The following ANO6 variants were observed in gnomAD, a reference collection of about 807,000 sequenced individuals.
The protein encoded by ANO6 is anoctamin 6, also known as anoctamin-6.
Under a neutral mutation model 117.5 loss-of-function variants are expected in ANO6, and 106 were observed. The observed-to-expected ratio is 0.90, with a 90% confidence interval of 0.77 to 1.06. ANO6 has a LOEUF of 1.06. Among genes scored for constraint, ANO6 ranks in the 50% least tolerant of loss-of-function variants. ANO6 has a pLI of 0.00. For missense variants in ANO6, 955 were observed against 1,121.1 expected, an observed-to-expected ratio of 0.85 and a Z score of 2.12; for synonymous variants, 367 against 385.1, an observed-to-expected ratio of 0.95 and a Z score of 0.55.
chr12:45,388,338 ACTT>A lies in ANO6; in HGVS notation c.1308+36_1308+38del, dbSNP rs1942355812. The A allele has an allele frequency of 1.9e-6, 3 of 1,612,360 alleles. No homozygotes were observed. In the African/African-American group the frequency reaches 4.0e-5, roughly 22 times the overall value. On this transcript the variant is annotated intron_variant, in intron 11 of 19. Transcript: ENST00000320560. ...GTCGTATTTAGGTGCAGTTTAATCT[ACTT>A]ACTGCTGTGGTTCTCCTCCTTGGCC...
At position 45,429,834 on chromosome 12, in the gene ANO6, T is replaced by C; in HGVS notation, c.*523T>C. On this transcript the variant is annotated 3_prime_UTR_variant, in exon 20 of 20. Transcript: ENST00000320560. ...GGATTCACAATATTTAGGTGTATTT[T>C]CAATACCTCCAGAAAGGAAACCTCA... The C allele has an allele frequency of 2.0e-6, 2 of 990,900 alleles. No individual in the cohort carries two copies. The highest frequency in any genetic ancestry group is 2.4e-6 in the Non-Finnish European group (2 of 833,100). 61.4% of individuals were successfully genotyped at this position (990,900 alleles called of 1,614,324 possible).
At chr12:45,308,389 T>G (rs1939746936) in intron 2 of ANO6, among the ~76,000 whole-genome samples, 1 of 151,974 alleles carries the variant, frequency 6.6e-6, no homozygotes, top group African/African-American at 2.4e-5. Flanking sequence ...TTGCGGAAGC[T>G]TTTTCTTGAT....
intron 1 of ANO6, among the ~76,000 whole-genome samples, chr12:45,266,412 A>T (rs1406691864): frequency 2.0e-5 from 3 of 152,254 alleles, no homozygotes; most frequent in African/African-American, 7.2e-5. Context: ...GTATTAAAGT[A>T]TAAAAGATTA....
At chr12:45,221,058 G>A (rs922294275) in intron 1 of ANO6, among the ~76,000 whole-genome samples, 1 of 142,126 alleles carries the variant, frequency 7.0e-6, no homozygotes, top group African/African-American at 2.9e-5. Flanking sequence ...GGTGTCGGAA[G>A]TGGGGGGGGG....
intron 12 of ANO6, among the ~76,000 whole-genome samples, chr12:45,392,980 T>A (rs1228650059): frequency 2.0e-5 from 3 of 152,186 alleles, no homozygotes; most frequent in Non-Finnish European, 4.4e-5. Flanking sequence ...GGAACAAAGC[T>A]GGACAGAGAA....
intron 12 of ANO6, among the ~76,000 whole-genome samples, chr12:45,392,076 C>T (rs568672235): frequency 9.2e-5 from 14 of 152,296 alleles, no homozygotes; most frequent in Middle Eastern, 3.4e-3. Context: ...CACAAGGGGT[C>T]GGGCGATTTC....
At chr12:45,253,508 CAT>C (rs1286371858) in intron 1 of ANO6, among the ~76,000 whole-genome samples, 1 of 152,210 alleles carries the variant, frequency 6.6e-6, no homozygotes, top group African/African-American at 2.4e-5. Flanking sequence ...TAAATCTGCA[CAT>C]GACTGTAAAT....
At chr12:45,225,776 A>G (rs1358881151) in intron 1 of ANO6, among the ~76,000 whole-genome samples, 2 of 152,162 alleles carry the variant, frequency 1.3e-5, no homozygotes, top group African/African-American at 2.4e-5. Flanking sequence ...GGCGTGAGAC[A>G]TTTTTAGATT....
At position 45,216,298 on chromosome 12, in the gene ANO6, T is replaced by G; in HGVS notation, c.-24T>G. 1 of 1,595,814 alleles carries G rather than the reference T, an allele frequency of 6.3e-7. No homozygotes were observed. Among genetic ancestry groups the G allele is most frequent in the East Asian group, 2.3e-5 (1 of 43,884 alleles). ...GGGAGCCCCCAACTTCGCGCCAAGTTCGGAGCCGCCTTCTGAGGGAGACAT... is the reference window on the plus strand; with the variant it reads ...GGGAGCCCCCAACTTCGCGCCAAGTGCGGAGCCGCCTTCTGAGGGAGACAT... On this transcript the variant is annotated 5_prime_UTR_variant, in exon 1 of 20. Coordinates refer to ENST00000320560, the MANE Select transcript of ANO6 (RefSeq NM_001025356.3).
intron 1 of ANO6, among the ~76,000 whole-genome samples, chr12:45,220,623 CTG>C (rs1459032509): frequency 6.6e-6 from 1 of 152,202 alleles, no homozygotes; most frequent in Non-Finnish European, 1.5e-5. Flanking sequence ...TAGAACCAGA[CTG>C]TGATATTGTG....
chr12:45,312,324 C>T (rs1253680533), intron 2 of ANO6, among the ~76,000 whole-genome samples: 1 of 151,942 alleles, frequency 6.6e-6, no homozygotes, highest in Non-Finnish European at 1.5e-5. Context: ...ATAACCTCAT[C>T]GTATCATGAC....
At chr12:45,284,791 G>A (rs1193892584) in intron 1 of ANO6, among the ~76,000 whole-genome samples, 1 of 152,184 alleles carries the variant, frequency 6.6e-6, no homozygotes, top group African/African-American at 2.4e-5. Context: ...AAAGTCTGAT[G>A]CCTGTATAAA....
intron 3 of ANO6, among the ~76,000 whole-genome samples, chr12:45,340,587 C>T (rs966888335): frequency 3.9e-5 from 6 of 152,012 alleles, no homozygotes; most frequent in Non-Finnish European, 8.8e-5. Flanking sequence ...AGTTTAGGTT[C>T]TTATGTATAA....
At chr12:45,347,131 CG>C in intron 4 of ANO6, 44 bp downstream of exon 4, 3 of 1,588,492 alleles carry the variant, frequency 1.9e-6, no homozygotes, top group Non-Finnish European at 2.6e-6. Context: ...CCACTGTTCT[CG>C]GGCAGCTTCG....
chr12:45,352,230 A>G (rs991695238), intron 7 of ANO6, among the ~76,000 whole-genome samples: 7 of 152,152 alleles, frequency 4.6e-5, no homozygotes, highest in African/African-American at 1.7e-4. Flanking sequence ...ATACAGAAAT[A>G]GAGTATCATA....
chr12:45,317,127 A>ATATATATATATATT (rs1940068227), intron 2 of ANO6, among the ~76,000 whole-genome samples: 1 of 102,682 alleles, frequency 9.7e-6, no homozygotes, highest in African/African-American at 3.1e-5. Context: ...ATATATATAT[A>ATATATATATATATT]TATATTTATT....
chr12:45,439,372 C>T (rs1317684837), intron 19 of ANO6, among the ~76,000 whole-genome samples: 1 of 152,192 alleles, frequency 6.6e-6, no homozygotes. Flanking sequence ...AACTCCCAAA[C>T]TCATCTGCGG....
chr12:45,306,129 A>G (rs773108300), intron 2 of ANO6, among the ~76,000 whole-genome samples: 17 of 152,186 alleles, frequency 1.1e-4, no homozygotes, highest in Non-Finnish European at 2.4e-4. Context: ...GGCTGTGGTC[A>G]ACATGAAAAC....
intron 1 of ANO6, among the ~76,000 whole-genome samples, chr12:45,274,455 C>T (rs1478462202): frequency 6.6e-6 from 1 of 152,212 alleles, no homozygotes; most frequent in African/African-American, 2.4e-5. Flanking sequence ...TGTGACACCT[C>T]GTATTCTCAA....
Sources: gnomAD v4.1 joint callset for allele counts (sites outside exome capture counted in the v4.1 genomes callset) on GRCh38, gnomAD v4.1.1 for gene constraint, MANE v1.5 for transcripts, NCBI Gene and HGNC (gene_info 2026-07-23, HGNC 2026-07-21) for gene names.